CASZ1: variants seen among roughly 807,000 people sequenced by gnomAD.
CASZ1 encodes castor zinc finger 1.
A neutral mutation model predicts 135.2 loss-of-function variants in CASZ1; 28 were observed. The observed-to-expected ratio is 0.21, with a 90% CI of 0.15 to 0.28. CASZ1 has a LOEUF of 0.28. CASZ1 is among the 10% of genes least tolerant of loss of function. The pLI, the probability that CASZ1 is intolerant of heterozygous loss-of-function variation, is 1.00. For synonymous variants in CASZ1, 1,068 were observed against 1,073.4 expected, an observed-to-expected ratio of 0.99 and a Z score of 0.10; for missense variants, 2,161 against 2,453.3, an observed-to-expected ratio of 0.88 and a Z score of 2.52.
rs959967660 is a variant in CASZ1 at position 10,794,338 on chromosome 1, C to T, written c.-234+2226G>A. ...TAAATTTACTAACTTTGCCCCGCGACTACCAGGGCCTTTTCCCCCTCGCCA... is the reference window on the plus strand; with the variant it reads ...TAAATTTACTAACTTTGCCCCGCGATTACCAGGGCCTTTTCCCCCTCGCCA... On this transcript the variant is annotated intron_variant, in intron 1 of 20. Transcript: ENST00000377022. The surrounding 1 kb of genome is among the most constrained non-coding windows in gnomAD (Gnocchi z 5.6). Among the ~76,000 whole-genome samples the T allele has an allele frequency of 1.3e-5, 2 of 152,176 alleles. No homozygotes were observed. Among genetic ancestry groups the T allele is most frequent in the Non-Finnish European group, 2.9e-5 (2 of 68,022 alleles).
chr1:10,772,666 T>A (rs1366583870), intron 1 of CASZ1, among the ~76,000 whole-genome samples: 2 of 152,108 alleles, frequency 1.3e-5, no homozygotes, highest in Non-Finnish European at 2.9e-5. Context: ...GGGCAGGGTG[T>A]CCACCTGAGT....
chr1:10,639,339 G>C lies in CASZ1; in HGVS notation c.4883C>G (p.Ser1628Trp), dbSNP rs1350160128. Residue 1628 changes from serine (S) to tryptophan (W), a missense_variant, in exon 21 of 21, where the codon TCG (serine) becomes TGG (tryptophan). Around this residue, in one of 7 missense-constraint regions of CASZ1, gnomAD observed 240 missense variants for 321.4 expected, o/e 0.75. Coordinates refer to ENST00000377022, the MANE Select transcript of CASZ1 (RefSeq NM_001079843.3). The surrounding 1 kb of genome is among the most constrained non-coding windows in gnomAD (Gnocchi z 4.0). Reference sequence around the variant, plus strand: ...GGCCGCCGACTGCAGGAAGAGCAGCGAGCCCGGCTCGGCGCCCAGCGACAG... The same window carrying C: ...GGCCGCCGACTGCAGGAAGAGCAGCCAGCCCGGCTCGGCGCCCAGCGACAG... The part of the protein sequence containing the change: ...GSLSLGAEPG[S>W]LLFLQSAAAG... 1 of 1,499,734 alleles carries C rather than the reference G, an allele frequency of 6.7e-7. No homozygotes were observed. The highest frequency in any genetic ancestry group is 1.4e-5 in the African/African-American group (1 of 70,328). 92.9% of individuals were successfully genotyped at this position (1,499,734 alleles called of 1,614,324 possible).
At chr1:10,790,830 A>G (rs978017637) in intron 1 of CASZ1, among the ~76,000 whole-genome samples, 3 of 151,118 alleles carry the variant, frequency 2.0e-5, no homozygotes, top group Admixed American at 6.6e-5. Flanking sequence ...TACTTAATGT[A>G]TGTCTATAAG....
chr1:10,652,524 C>T (rs1318202329), intron 11 of CASZ1: 1 of 152,260 alleles, frequency 6.6e-6, no homozygotes, highest in Non-Finnish European at 1.5e-5. Context: ...AGGAACTACC[C>T]AGAGCAGGGA....
intron 2 of CASZ1, among the ~76,000 whole-genome samples, chr1:10,710,557 CAAG>C (rs1639266076): frequency 6.6e-6 from 1 of 152,218 alleles, no homozygotes; most frequent in South Asian, 2.1e-4. Context: ...AAGGAGTCAG[CAAG>C]AAGATTTTCC....
chr1:10,788,588 G>A lies in CASZ1; in HGVS notation c.-234+7976C>T, dbSNP rs574703597. ...AAGAAGCACAGCCCAGAGACTGCCC[G>A]CCGTCAAACCAAGGCTCAGCAGTGC... On this transcript the variant is annotated intron_variant, in intron 1 of 20. Coordinates refer to ENST00000377022, the MANE Select transcript of CASZ1 (RefSeq NM_001079843.3). This position sits in a 1 kb window ranked among gnomAD's most constrained non-coding sequence, Gnocchi z 4.1. Among the ~76,000 whole-genome samples, 6 of 152,318 alleles carry A rather than the reference G, an allele frequency of 3.9e-5. No individual in the cohort carries two copies. The highest frequency in any genetic ancestry group is 4.1e-4 in the South Asian group (2 of 4,830).
At chr1:10,770,586 G>T (rs1191077017) in intron 1 of CASZ1, among the ~76,000 whole-genome samples, 1 of 152,130 alleles carries the variant, frequency 6.6e-6, no homozygotes, top group Admixed American at 6.5e-5. Context: ...CAGCAGTGCG[G>T]TCACAGGCCC....
At position 10,719,694 on chromosome 1, in the gene CASZ1, G is replaced by A. The variant is rs561770048; in HGVS notation, c.-76-14150C>T. Among the ~76,000 whole-genome samples the A allele has an allele frequency of 4.0e-4, 61 of 152,310 alleles. No homozygotes were observed. Among genetic ancestry groups the A allele is most frequent in the Admixed American group, 9.8e-4 (15 of 15,302 alleles). On this transcript the variant is annotated intron_variant, in intron 2 of 20. Coordinates refer to ENST00000377022, the MANE Select transcript of CASZ1 (RefSeq NM_001079843.3). This position sits in a 1 kb window ranked among gnomAD's most constrained non-coding sequence, Gnocchi z 4.0. ...CAGGTACTGCCCAATCCTGAAGCCC[G>A]TGGGTCCCAGAGCCTGGCACAGTGA...
At chr1:10,667,902 G>A (rs946775421) in intron 4 of CASZ1, among the ~76,000 whole-genome samples, 4 of 129,130 alleles carry the variant, frequency 3.1e-5, no homozygotes, top group East Asian at 2.7e-4. Context: ...GTCCCTGCCC[G>A]GGCCCCCACC....
intron 4 of CASZ1, among the ~76,000 whole-genome samples, chr1:10,674,776 G>A (rs1643513960): frequency 6.6e-6 from 1 of 152,180 alleles, no homozygotes; most frequent in South Asian, 2.1e-4. Flanking sequence ...TCTGCCTGGG[G>A]ATCTGAGAGC....
intron 4 of CASZ1, among the ~76,000 whole-genome samples, chr1:10,674,992 C>T (rs1643519853): frequency 6.6e-6 from 1 of 151,986 alleles, no homozygotes; most frequent in Non-Finnish European, 1.5e-5. Context: ...GCGCCCACCC[C>T]TCCTGTTTTT....
At position 10,755,939 on chromosome 1, in the gene CASZ1, T is replaced by C. The variant is rs1206723812; in HGVS notation, c.-77+4762A>G. ...GCCCTGGAGGATGGCATGAGAACTG[T>C]CCAGTCCAGTTAGGAGTGAAGGTCA... is the stretch of plus-strand genomic sequence containing the variant. On this transcript the variant is annotated intron_variant, in intron 2 of 20. Coordinates refer to ENST00000377022, the MANE Select transcript of CASZ1 (RefSeq NM_001079843.3). The surrounding 1 kb of genome is among the most constrained non-coding windows in gnomAD (Gnocchi z 4.3). Among the ~76,000 whole-genome samples, 1 of 150,574 alleles carries C rather than the reference T, an allele frequency of 6.6e-6. No homozygotes were observed. Among genetic ancestry groups the C allele is most frequent in the African/African-American group, 2.5e-5 (1 of 40,798 alleles).
At position 10,707,929 on chromosome 1, in the gene CASZ1, C is replaced by T. The variant is rs1031076259; in HGVS notation, c.-76-2385G>A. Reference sequence around the variant, plus strand: ...AGGACAGCAGGGGCCCTACACTCAGCGGGGCTGAAGTGAAGTGAACTCTTC... The same window carrying T: ...AGGACAGCAGGGGCCCTACACTCAGTGGGGCTGAAGTGAAGTGAACTCTTC... On this transcript the variant is annotated intron_variant, in intron 2 of 20. Transcript: ENST00000377022. The surrounding 1 kb of genome is among the most constrained non-coding windows in gnomAD (Gnocchi z 5.0). Among the ~76,000 whole-genome samples, 7 of 152,104 alleles carry T rather than the reference C, an allele frequency of 4.6e-5. No individual in the cohort carries two copies. The highest frequency in any genetic ancestry group is 1.2e-4 in the African/African-American group (5 of 41,406).
chr1:10,655,767 T>C lies in CASZ1; in HGVS notation c.1547A>G (p.Lys516Arg), dbSNP rs1642766816. ...QDVIRHYNMHKKRDNSLQHGF... is the reference protein window; with the variant it reads ...QDVIRHYNMHRKRDNSLQHGF... The stretch of plus-strand genomic sequence containing the variant: ...GTGCTGCAGGGAGTTGTCGCGCTTC[T>C]TGTGCATGTTGTAGTGGCGGATCAC... Residue 516 changes from lysine to arginine, a missense_variant, in exon 9 of 21, where the codon AAG becomes AGG. This residue lies in a region of CASZ1 where 248 missense variants were observed against 410.8 expected (regional missense o/e 0.60). Transcript: ENST00000377022. The C allele has an allele frequency of 2.5e-6, 4 of 1,614,214 alleles. No homozygotes were observed. The highest frequency in any genetic ancestry group is 3.4e-6 in the Non-Finnish European group (4 of 1,180,010).
At chr1:10,702,904 G>T (rs1027104501) in intron 3 of CASZ1, among the ~76,000 whole-genome samples, 1 of 152,016 alleles carries the variant, frequency 6.6e-6, no homozygotes, top group Non-Finnish European at 1.5e-5. Context: ...ATCAATTAGG[G>T]TGACAAGGAA....
chr1:10,644,643 G>A (rs375423124), intron 18 of CASZ1, among the ~76,000 whole-genome samples: 4 of 152,252 alleles, frequency 2.6e-5, no homozygotes, highest in Non-Finnish European at 5.9e-5. Flanking sequence ...CCCAGGCCCT[G>A]GATGCTCAAG....
At chr1:10,723,637 T>C (rs909377677) in intron 2 of CASZ1, among the ~76,000 whole-genome samples, 3 of 152,174 alleles carry the variant, frequency 2.0e-5, no homozygotes, top group Non-Finnish European at 4.4e-5. Flanking sequence ...GGTGCCTTTC[T>C]CATGGCTTAG....
chr1:10,708,253 T>G (rs1190908501), intron 2 of CASZ1, among the ~76,000 whole-genome samples: 2 of 152,134 alleles, frequency 1.3e-5, no homozygotes, highest in Admixed American at 6.5e-5. Flanking sequence ...CTCCTGTCCA[T>G]GTGAAAAAGC....
intron 1 of CASZ1, among the ~76,000 whole-genome samples, chr1:10,770,894 C>T (rs1410657828): frequency 2.6e-5 from 4 of 152,198 alleles, no homozygotes; most frequent in Non-Finnish European, 5.9e-5. Flanking sequence ...TTCAGGATAA[C>T]GAGGAACACA....
Sources: gnomAD v4.1 joint callset for allele counts (sites outside exome capture counted in the v4.1 genomes callset) on GRCh38, gnomAD v4.1.1 for gene constraint, gnomAD v4.1.1 regional missense constraint, Gnocchi (gnomAD v3.1) non-coding constraint, MANE v1.5 for transcripts, NCBI Gene and HGNC (gene_info 2026-07-23, HGNC 2026-07-21) for gene names.